The following CSMD1 variants were observed in gnomAD, a reference collection of about 807,000 sequenced individuals.
CSMD1 encodes CUB and sushi domain-containing protein 1.
Under a neutral mutation model 417.5 loss-of-function variants are expected in CSMD1, and 213 were observed. The observed-to-expected ratio is 0.51, with a 90% CI of 0.46 to 0.57. CSMD1 has a LOEUF of 0.57. Among genes scored for constraint, CSMD1 ranks in the 20% least tolerant of loss-of-function variants. The pLI, the probability that CSMD1 is intolerant of heterozygous loss-of-function variation, is 0.00. For synonymous variants in CSMD1, 2,862 were observed against 1,736.8 expected (o/e 1.65, Z -16.11); for missense variants, 6,923 against 4,529.7 (o/e 1.53, Z -15.17).
At chr8:4,953,291 T>G (rs190801870) in intron 1 of CSMD1, among the ~76,000 whole-genome samples, 2 of 152,268 alleles carry the variant, frequency 1.3e-5, no homozygotes, top group Admixed American at 1.3e-4. Context: ...AATCAGTCTT[T>G]TAGAAAGTAC....
chr8:4,331,587 G>A (rs1799872202), intron 3 of CSMD1, among the ~76,000 whole-genome samples: 1 of 152,072 alleles, frequency 6.6e-6, no homozygotes, highest in Admixed American at 6.6e-5. Context: ...CAGACAATGG[G>A]GCAACATTTA....
chr8:3,446,583 G>A (rs1430040808), intron 12 of CSMD1, among the ~76,000 whole-genome samples: 1 of 152,152 alleles, frequency 6.6e-6, no homozygotes, highest in Non-Finnish European at 1.5e-5. Context: ...CTCTCCACGG[G>A]TAAACAGATT....
chr8:3,188,030 G>C (rs1038837421), intron 35 of CSMD1, 65 bp from the exon 36 acceptor site: 20 of 1,181,854 alleles, frequency 1.7e-5, no homozygotes, highest in Non-Finnish European at 2.2e-5. Flanking sequence ...TAATTAGATG[G>C]GGTTTTGGGG....
chr8:3,678,758 A>C (rs1264138471), intron 7 of CSMD1, among the ~76,000 whole-genome samples: 2 of 152,180 alleles, frequency 1.3e-5, no homozygotes, highest in African/African-American at 4.8e-5. Flanking sequence ...AGCTGAAATG[A>C]AGGAAAAAAT....
At chr8:3,353,383 C>A (rs1253607231) in intron 21 of CSMD1, among the ~76,000 whole-genome samples, 1 of 152,198 alleles carries the variant, frequency 6.6e-6, no homozygotes, top group African/African-American at 2.4e-5. Flanking sequence ...CTACCCCTAC[C>A]TTTCTGACCA....
At position 3,098,556 on chromosome 8, in the gene CSMD1, G is replaced by A. The variant is rs1815500014; in HGVS notation, c.6950-1519C>T. Among the ~76,000 whole-genome samples the A allele has an allele frequency of 3.9e-5, 6 of 152,156 alleles. No homozygotes were observed. The South Asian group carries it at 1.2e-3, about 32-fold the overall frequency. ...AAAATACTTACAATGATAAATTAAT[G>A]GCAATAATATAAACTAAAATAATCC... On this transcript the variant is annotated intron_variant, in intron 46 of 69. Coordinates refer to ENST00000635120, the MANE Select transcript of CSMD1 (RefSeq NM_033225.6).
chr8:3,329,578 T>C (rs1279053194), intron 23 of CSMD1, among the ~76,000 whole-genome samples: 2 of 152,208 alleles, frequency 1.3e-5, no homozygotes, highest in Non-Finnish European at 2.9e-5. Flanking sequence ...ACAGCCGTAT[T>C]TACCCTTCTC....
intron 1 of CSMD1, among the ~76,000 whole-genome samples, chr8:4,940,710 T>C (rs1807939573): frequency 6.6e-6 from 1 of 152,208 alleles, no homozygotes. Context: ...AATTAAAATA[T>C]GCATGTTTTG....
intron 1 of CSMD1, among the ~76,000 whole-genome samples, chr8:4,916,563 T>A (rs576280685): frequency 2.2e-4 from 34 of 152,350 alleles, no homozygotes; most frequent in African/African-American, 7.7e-4. Context: ...GGCACTCAAA[T>A]ACTGCCCTGC....
intron 5 of CSMD1, among the ~76,000 whole-genome samples, chr8:3,961,818 C>T (rs928781115): frequency 6.6e-6 from 1 of 152,136 alleles, no homozygotes; most frequent in Admixed American, 6.5e-5. Flanking sequence ...GCTAGAAATG[C>T]TATTAAATAA....
chr8:3,520,255 A>T (rs1043756471), intron 10 of CSMD1, among the ~76,000 whole-genome samples: 1 of 152,114 alleles, frequency 6.6e-6, no homozygotes, highest in African/African-American at 2.4e-5. Flanking sequence ...GCCAGAGAGG[A>T]AGCACCATAC....
chr8:4,761,302 G>A (rs779220466), intron 1 of CSMD1, among the ~76,000 whole-genome samples: 4 of 151,816 alleles, frequency 2.6e-5, no homozygotes, highest in Non-Finnish European at 4.4e-5. Context: ...AAGGGATTTT[G>A]AACAACTAAT....
chr8:3,462,711 G>A (rs1013811345), intron 12 of CSMD1, among the ~76,000 whole-genome samples: 1 of 152,144 alleles, frequency 6.6e-6, no homozygotes, highest in South Asian at 2.1e-4. Context: ...ATGCACTTCA[G>A]TCACCCTGAA....
At chr8:4,898,184 G>T (rs958973481) in intron 1 of CSMD1, among the ~76,000 whole-genome samples, 3 of 152,090 alleles carry the variant, frequency 2.0e-5, no homozygotes, top group African/African-American at 7.3e-5. Flanking sequence ...TGCCCAGCGT[G>T]CATTGCTATA....
At chr8:4,937,527 G>A (rs1053300315) in intron 1 of CSMD1, among the ~76,000 whole-genome samples, 1 of 152,124 alleles carries the variant, frequency 6.6e-6, no homozygotes, top group Non-Finnish European at 1.5e-5. Flanking sequence ...AAAAAACAAT[G>A]GCTAGTAACT....
chr8:3,940,290 G>A (rs543558467), intron 5 of CSMD1, among the ~76,000 whole-genome samples: 19 of 152,114 alleles, frequency 1.2e-4, no homozygotes, highest in South Asian at 6.2e-4. Context: ...AGACATTTTA[G>A]GGTGGTGAAT....
intron 7 of CSMD1, among the ~76,000 whole-genome samples, chr8:3,671,592 T>A (rs1312048984): frequency 3.6e-5 from 4 of 111,224 alleles, no homozygotes; most frequent in African/African-American, 6.7e-5. Flanking sequence ...TATATATATA[T>A]ATGATTAGTT....
chr8:4,394,537 T>A (rs1455000605), intron 3 of CSMD1, among the ~76,000 whole-genome samples: 1 of 152,190 alleles, frequency 6.6e-6, no homozygotes, highest in East Asian at 1.9e-4. Flanking sequence ...CAGCCTAAAC[T>A]CATTGCTTTG....
At chr8:4,344,454 C>A (rs556994099) in intron 3 of CSMD1, among the ~76,000 whole-genome samples, 12 of 151,920 alleles carry the variant, frequency 7.9e-5, no homozygotes, top group Admixed American at 7.9e-4. Context: ...CTCAAAGATG[C>A]ATTCTTTTAC....
Sources: gnomAD v4.1 joint callset for allele counts (sites outside exome capture counted in the v4.1 genomes callset) on GRCh38, gnomAD v4.1.1 for gene constraint, MANE v1.5 for transcripts, NCBI Gene and HGNC (gene_info 2026-07-23, HGNC 2026-07-21) for gene names.